ANKMY2: variants seen among roughly 807,000 people sequenced by gnomAD.
ANKMY2 encodes ankyrin repeat and MYND domain-containing protein 2.
ANKMY2 carries 36 observed loss-of-function variants against 50.4 expected under a neutral mutation model. That is an observed-to-expected ratio of 0.71 (90% CI 0.55 to 0.94). The LOEUF (loss-of-function observed/expected upper bound fraction) is 0.94, where lower values mean the gene tolerates loss of function less well. ANKMY2 is among the 40% of genes least tolerant of loss of function. ANKMY2 has a pLI of 0.00. For synonymous variants in ANKMY2, 187 were observed against 178.8 expected, an observed-to-expected ratio of 1.05 and a Z score of -0.36; for missense variants, 565 against 524.0, an observed-to-expected ratio of 1.08 and a Z score of -0.76.
intron 3 of ANKMY2, among the ~76,000 whole-genome samples, chr7:16,626,445 G>C (rs10281304): frequency 6.6e-6 from 1 of 152,012 alleles, no homozygotes; most frequent in Non-Finnish European, 1.5e-5. Flanking sequence ...ATAATGCTTA[G>C]AAGTGCTTCT....
intron 1 of ANKMY2, among the ~76,000 whole-genome samples, chr7:16,639,155 A>C (rs1781712829): frequency 6.6e-6 from 1 of 152,262 alleles, no homozygotes; most frequent in Non-Finnish European, 1.5e-5. Context: ...AAATTATAGA[A>C]GGTCCAGAAT....
intron 4 of ANKMY2, among the ~76,000 whole-genome samples, chr7:16,624,105 C>CT (rs1375910448): frequency 2.6e-5 from 4 of 152,114 alleles, no homozygotes; most frequent in Non-Finnish European, 4.4e-5. Flanking sequence ...TGCTATTACC[C>CT]TTTAAGTGCC....
intron 4 of ANKMY2, among the ~76,000 whole-genome samples, chr7:16,617,693 T>A (rs574107630): frequency 2.0e-5 from 3 of 152,236 alleles, no homozygotes; most frequent in South Asian, 2.1e-4. Context: ...AGGGCAGGCA[T>A]GGTGGCTCAT....
At chr7:16,614,059 A>C (rs1268842443) in intron 5 of ANKMY2, among the ~76,000 whole-genome samples, 2 of 152,210 alleles carry the variant, frequency 1.3e-5, no homozygotes, top group Non-Finnish European at 2.9e-5. Flanking sequence ...TGTATTGCTC[A>C]GGCAGTGGAG....
intron 4 of ANKMY2, among the ~76,000 whole-genome samples, chr7:16,617,986 C>CT (rs1289475603): frequency 7.0e-6 from 1 of 142,878 alleles, no homozygotes; most frequent in Admixed American, 7.4e-5. Flanking sequence ...GTAGTGCAGT[C>CT]ACGTGATCTT....
At chr7:16,633,486 T>C (rs1279592120) in intron 2 of ANKMY2, among the ~76,000 whole-genome samples, 1 of 152,134 alleles carries the variant, frequency 6.6e-6, no homozygotes, top group Non-Finnish European at 1.5e-5. Context: ...ATGTTGTATT[T>C]TCAGTTGTAA....
At chr7:16,602,546 C>G in intron 8 of ANKMY2, 37 bp from the exon 9 acceptor site, 2 of 1,596,222 alleles carry the variant, frequency 1.3e-6, no homozygotes, top group South Asian at 2.3e-5. Flanking sequence ...ATTTCCAGAG[C>G]TTGGGTTGTA....
chr7:16,617,814 A>G (rs1781377520), intron 4 of ANKMY2, among the ~76,000 whole-genome samples: 1 of 152,022 alleles, frequency 6.6e-6, no homozygotes, highest in Non-Finnish European at 1.5e-5. Context: ...AATAATTTAA[A>G]AAATTAGCTG....
intron 5 of ANKMY2, among the ~76,000 whole-genome samples, chr7:16,611,123 C>A (rs1391782896): frequency 6.6e-6 from 1 of 152,204 alleles, no homozygotes; most frequent in Non-Finnish European, 1.5e-5. Context: ...AGAATCAAAT[C>A]ATTGAGCAAT....
chr7:16,615,290 G>C (rs1781325086), intron 5 of ANKMY2, among the ~76,000 whole-genome samples: 1 of 152,150 alleles, frequency 6.6e-6, no homozygotes, highest in Admixed American at 6.5e-5. Context: ...AGGCCCCCGG[G>C]GCTCTCAGGG....
intron 3 of ANKMY2, among the ~76,000 whole-genome samples, chr7:16,625,979 CTTTTTTTTTT>C (rs536879249): frequency 9.7e-6 from 1 of 103,142 alleles, no homozygotes; most frequent in Admixed American, 1.1e-4. Context: ...TATAAGAAGT[CTTTTTTTTTT>C]TTTTTTTTTT....
rs1319587655 is a variant in ANKMY2, at chr7:16,624,968, G to T, written c.370+15C>A. ...TTTGGGTATAATCTAATGCAAAACT[G>T]CAGCAAAATCTCACCCACAAAGGCT... On this transcript the variant is annotated intron_variant, in intron 4 of 9. Coordinates refer to ENST00000306999, the MANE Select transcript of ANKMY2 (RefSeq NM_020319.3). 1 of 1,609,536 alleles carries T rather than the reference G, an allele frequency of 6.2e-7. No individual in the cohort carries two copies. Among genetic ancestry groups the T allele is most frequent in the Non-Finnish European group, 8.5e-7 (1 of 1,177,034 alleles).
At chr7:16,643,226 A>T (rs551143498) in intron 1 of ANKMY2, among the ~76,000 whole-genome samples, 44 of 152,294 alleles carry the variant, frequency 2.9e-4, no homozygotes, top group African/African-American at 1.0e-3. Context: ...AGAATTTCAA[A>T]CCAGACCTGC....
intron 4 of ANKMY2, among the ~76,000 whole-genome samples, chr7:16,616,579 C>A (rs568525380): frequency 1.1e-4 from 16 of 152,164 alleles, no homozygotes; most frequent in East Asian, 3.9e-4. Flanking sequence ...GGCGCCCCCC[C>A]CTCCCTAGCT....
rs747237199 is a variant in ANKMY2, at chr7:16,615,870, G to A, written c.405C>T (p.Phe135=). 3 of 1,613,728 alleles carry A rather than the reference G, an allele frequency of 1.9e-6. No individual in the cohort carries two copies. The highest frequency in any genetic ancestry group is 2.5e-6 in the Non-Finnish European group (3 of 1,179,842). Residue 135 remains phenylalanine (F), a synonymous_variant, in exon 5 of 10, where the codon TTC becomes TTT. Transcript: ENST00000306999. The part of the protein sequence containing the change: ...QHDCVTIINN[F]FPRERLDYYT... ...AATAATCCAGTCTCTCTCGAGGAAA[G>A]AAATTGTTGATTATGGTCACACAAT...
intron 5 of ANKMY2, among the ~76,000 whole-genome samples, chr7:16,614,142 C>T (rs571466507): frequency 2.0e-5 from 3 of 152,256 alleles, no homozygotes; most frequent in East Asian, 1.9e-4. Flanking sequence ...AACCTGTCTC[C>T]CCATCCCAGC....
chr7:16,641,020 T>C (rs1484479193), intron 1 of ANKMY2, among the ~76,000 whole-genome samples: 3 of 152,174 alleles, frequency 2.0e-5, no homozygotes, highest in African/African-American at 4.8e-5. Context: ...TTTGATATAA[T>C]CATAGATATA....
chr7:16,640,008 A>G (rs1250896764), intron 1 of ANKMY2, among the ~76,000 whole-genome samples: 1 of 151,686 alleles, frequency 6.6e-6, no homozygotes, highest in Non-Finnish European at 1.5e-5. Context: ...AAAAAAAAAA[A>G]TACAAAAATT....
chr7:16,623,027 A>G (rs1781462514), intron 4 of ANKMY2, among the ~76,000 whole-genome samples: 1 of 152,306 alleles, frequency 6.6e-6, no homozygotes, highest in Admixed American at 6.5e-5. Flanking sequence ...CTGTTGAAGG[A>G]AATGAATTAC....
Sources: gnomAD v4.1 joint callset for allele counts (sites outside exome capture counted in the v4.1 genomes callset) on GRCh38, gnomAD v4.1.1 for gene constraint, MANE v1.5 for transcripts, NCBI Gene and HGNC (gene_info 2026-07-23, HGNC 2026-07-21) for gene names.